The following CBFA2T2 variants were observed in gnomAD, a reference collection of about 807,000 sequenced individuals.
The protein encoded by CBFA2T2 is CBFA2/RUNX1 partner transcriptional co-repressor 2, also known as protein CBFA2T2.
CBFA2T2 carries 11 observed loss-of-function variants against 62.2 expected under a neutral mutation model. That is an observed-to-expected ratio of 0.18 (90% CI 0.11 to 0.29). The LOEUF (loss-of-function observed/expected upper bound fraction) is 0.29, where lower values mean the gene tolerates loss of function less well. Among genes scored for constraint, CBFA2T2 ranks in the 10% least tolerant of loss-of-function variants. CBFA2T2 has a pLI of 1.00. For synonymous variants in CBFA2T2, 295 were observed against 287.5 expected (o/e 1.03, Z -0.27); for missense variants, 592 against 774.1 (o/e 0.76, Z 2.79).
intron 1 of CBFA2T2, among the ~76,000 whole-genome samples, chr20:33,529,133 C>G (rs2011972415): frequency 6.6e-6 from 1 of 152,132 alleles, no homozygotes; most frequent in African/African-American, 2.4e-5. Context: ...TTACGCCATT[C>G]TCCTGCCTCA....
At chr20:33,618,828 A>C (rs1284013337) in intron 3 of CBFA2T2, among the ~76,000 whole-genome samples, 6 of 152,210 alleles carry the variant, frequency 3.9e-5, no homozygotes, top group African/African-American at 1.4e-4. Flanking sequence ...AAACATTGTA[A>C]GCTTGATTGC....
chr20:33,497,009 C>G (rs1162144951), intron 1 of CBFA2T2, among the ~76,000 whole-genome samples: 1 of 152,106 alleles, frequency 6.6e-6, no homozygotes, highest in African/African-American at 2.4e-5. Flanking sequence ...TGCGGTGGCT[C>G]ATGCCTGTAA....
intron 1 of CBFA2T2, among the ~76,000 whole-genome samples, chr20:33,513,627 C>T (rs2011546925): frequency 6.6e-6 from 1 of 151,222 alleles, no homozygotes; most frequent in South Asian, 2.1e-4. Flanking sequence ...TCCCAAAGTG[C>T]TGGGATTACA....
At chr20:33,583,788 CT>C (rs1224960055) in intron 1 of CBFA2T2, among the ~76,000 whole-genome samples, 2 of 152,128 alleles carry the variant, frequency 1.3e-5, no homozygotes, top group Non-Finnish European at 2.9e-5. Flanking sequence ...GGCCAAGTGT[CT>C]CAAAATCCTG....
At chr20:33,581,039 A>G (rs1409966119) in intron 1 of CBFA2T2, among the ~76,000 whole-genome samples, 1 of 137,206 alleles carries the variant, frequency 7.3e-6, no homozygotes, top group Non-Finnish European at 1.6e-5. Context: ...CGTCCTGTCC[A>G]TCCATCCCGT....
Position 33,624,815 on chromosome 20 carries a change from C to G in CBFA2T2, c.744C>G (p.Ala248=), listed in dbSNP as rs768892060. 22 of 1,614,036 alleles carry G rather than the reference C, an allele frequency of 1.4e-5. No homozygotes were observed. The highest frequency in any genetic ancestry group is 2.7e-5 in the African/African-American group (2 of 74,912). The change falls in exon 6 of 11, where the codon GCC becomes GCG. Residue 248 remains alanine, a synonymous_variant. Coordinates refer to ENST00000342704, the MANE Select transcript of CBFA2T2 (RefSeq NM_001032999.3). ...ACACAATTGCTCCTGAGCCTCCTGCCAAGAGAGTATGTACCATCAGCCCTG... is the reference window on the plus strand; with the variant it reads ...ACACAATTGCTCCTGAGCCTCCTGCGAAGAGAGTATGTACCATCAGCCCTG... ...DRDTIAPEPP[A]KRVCTISPAP... is the part of the protein sequence containing the mutation.
At chr20:33,601,597 T>C (rs527690849) in intron 1 of CBFA2T2, among the ~76,000 whole-genome samples, 1 of 152,130 alleles carries the variant, frequency 6.6e-6, no homozygotes, top group Non-Finnish European at 1.5e-5. Flanking sequence ...GCAATGGATT[T>C]AATGGCTTCC....
At chr20:33,560,493 A>C (rs1444866936) in intron 1 of CBFA2T2, among the ~76,000 whole-genome samples, 2 of 152,338 alleles carry the variant, frequency 1.3e-5, no homozygotes, top group African/African-American at 4.8e-5. Context: ...GCAGGGAACT[A>C]GAATAGTCTC....
At chr20:33,522,564 T>TA (rs1239084542) in intron 1 of CBFA2T2, among the ~76,000 whole-genome samples, 90 of 146,648 alleles carry the variant, frequency 6.1e-4, no homozygotes, top group Admixed American at 1.9e-3. Context: ...CCTGTTTGTT[T>TA]AAAAAAAAAA....
intron 1 of CBFA2T2, among the ~76,000 whole-genome samples, chr20:33,501,702 C>T (rs1420902454): frequency 1.8e-5 from 2 of 114,022 alleles, no homozygotes; most frequent in East Asian, 3.1e-4. Flanking sequence ...TGCAGTGGTG[C>T]GATCTCGGCT....
intron 1 of CBFA2T2, among the ~76,000 whole-genome samples, chr20:33,493,068 G>GTTTTT (rs1157324208): frequency 5.7e-4 from 50 of 88,098 alleles, no homozygotes; most frequent in East Asian, 1.0e-3. Context: ...TGAAGTTTTG[G>GTTTTT]TTTTTTTTTT....
chr20:33,641,508 T>C (rs2122393594), intron 10 of CBFA2T2, among the ~76,000 whole-genome samples: 1 of 152,344 alleles, frequency 6.6e-6, no homozygotes, highest in East Asian at 1.9e-4. Flanking sequence ...TTTAGTCATT[T>C]TTCAGCTTTA....
At chr20:33,571,393 C>A (rs1327448281) in intron 1 of CBFA2T2, among the ~76,000 whole-genome samples, 1 of 152,076 alleles carries the variant, frequency 6.6e-6, no homozygotes, top group Non-Finnish European at 1.5e-5. Context: ...ATAGATGTTT[C>A]GTTTTCCTTA....
chr20:33,527,356 C>T (rs1255208152), intron 1 of CBFA2T2, among the ~76,000 whole-genome samples: 1 of 148,464 alleles, frequency 6.7e-6, no homozygotes, highest in East Asian at 2.0e-4. Context: ...GCTGTGCCAC[C>T]AGGCCCGACT....
At chr20:33,531,701 A>C (rs1351198991) in intron 1 of CBFA2T2, among the ~76,000 whole-genome samples, 1 of 152,172 alleles carries the variant, frequency 6.6e-6, no homozygotes, top group African/African-American at 2.4e-5. Context: ...GAGCTAAACT[A>C]ATAGCTCCCA....
chr20:33,554,224 A>T (rs994900336), intron 1 of CBFA2T2, among the ~76,000 whole-genome samples: 2 of 151,738 alleles, frequency 1.3e-5, no homozygotes, highest in Non-Finnish European at 2.9e-5. Context: ...AATTCACTAT[A>T]AGCACCAGTG....
intron 1 of CBFA2T2, among the ~76,000 whole-genome samples, chr20:33,494,353 C>T (rs1380507441): frequency 7.8e-6 from 1 of 127,814 alleles, no homozygotes; most frequent in Non-Finnish European, 1.6e-5. Context: ...ACGATCTCAG[C>T]TCACTGCAAG....
At chr20:33,518,156 G>A (rs1181584658) in intron 1 of CBFA2T2, among the ~76,000 whole-genome samples, 1 of 151,608 alleles carries the variant, frequency 6.6e-6, no homozygotes, top group Non-Finnish European at 1.5e-5. Flanking sequence ...CATTGTGTTA[G>A]CCAGGATGGT....
intron 1 of CBFA2T2, among the ~76,000 whole-genome samples, chr20:33,557,493 C>T (rs2012935954): frequency 6.6e-6 from 1 of 151,536 alleles, no homozygotes; most frequent in Non-Finnish European, 1.5e-5. Flanking sequence ...AGTGTGTTTG[C>T]GTGTGTATTT....
Sources: allele counts gnomAD v4.1 joint callset (sites outside exome capture counted in the v4.1 genomes callset), GRCh38; gene constraint gnomAD v4.1.1; transcripts MANE v1.5; gene names NCBI Gene and HGNC (gene_info 2026-07-23, HGNC 2026-07-21).